Variants in GPR161 observed in about 807,000 individuals in gnomAD.
The protein encoded by GPR161 is G protein-coupled receptor 161, also known as G-protein coupled receptor RE2.
A neutral mutation model predicts 39.2 loss-of-function variants in GPR161; 25 were observed. The ratio of observed to expected loss-of-function variants is 0.64; its 90% CI spans 0.47 to 0.89. The LOEUF is 0.89. Among genes scored for constraint, GPR161 ranks in the 40% least tolerant of loss-of-function variants. The pLI is 0.00. For missense variants in GPR161, 547 were observed against 677.8 expected (o/e 0.81, Z 2.14); for synonymous variants, 286 against 276.6 (o/e 1.03, Z -0.34).
chr1:168,121,977 A>G (rs76584762), intron 1 of GPR161, among the ~76,000 whole-genome samples: 266 of 152,324 alleles, frequency 1.7e-3, no homozygotes, highest in African/African-American at 6.1e-3. Flanking sequence ...CTGCTGCCAG[A>G]AGTGGCTGTG....
At chr1:168,135,039 G>A in intron 1 of GPR161, 1 of 1,516,462 alleles carries the variant, frequency 6.6e-7, no homozygotes, top group Non-Finnish European at 8.8e-7. Context: ...GCACCAGGCT[G>A]CAACACAAAG....
chr1:168,096,848 C>T lies in GPR161; in HGVS notation c.759G>A (p.Arg253=). The part of the protein sequence containing the change: ...STSTSSSGSR[R]NAFQGVVYSA... ...AGTAGACCACACCCTGAAAGGCATT[C>T]CTCCTGCTGCCTGAAGAGGAGGTGG... The change falls in exon 3 of 6, where the codon AGG becomes AGA. Residue 253 remains arginine, a synonymous_variant. Transcript: ENST00000682931. The T allele has an allele frequency of 6.2e-7, 1 of 1,614,162 alleles. No individual in the cohort carries two copies. Among genetic ancestry groups the T allele is most frequent in the Non-Finnish European group, 8.5e-7 (1 of 1,180,020 alleles).
At chr1:168,119,612 T>C (rs577789233) in intron 1 of GPR161, among the ~76,000 whole-genome samples, 4 of 152,232 alleles carry the variant, frequency 2.6e-5, no homozygotes, top group African/African-American at 9.6e-5. Context: ...ATGTACTTAA[T>C]ACCACTCAAC....
chr1:168,109,306 A>C (rs566059510), intron 1 of GPR161, among the ~76,000 whole-genome samples: 6 of 152,212 alleles, frequency 3.9e-5, no homozygotes, highest in Non-Finnish European at 8.8e-5. Context: ...TTTTTTAAAA[A>C]AAGTCAAACT....
At chr1:168,091,099 TG>T (rs1695016647) in intron 3 of GPR161, among the ~76,000 whole-genome samples, 1 of 152,194 alleles carries the variant, frequency 6.6e-6, no homozygotes. Context: ...AGAGAATTTT[TG>T]TAAGCTGGAA....
Position 168,104,675 on chromosome 1 carries a change from A to G in GPR161, c.176T>C (p.Leu59Pro). 2 of 1,613,816 alleles carry G rather than the reference A, an allele frequency of 1.2e-6. No individual in the cohort carries two copies. The highest frequency in any genetic ancestry group is 1.7e-6 in the Non-Finnish European group (2 of 1,179,692). ...VVTLYKKSYL[L>P]TLSNKFVFSL... is the part of the protein sequence containing the mutation. Reference sequence around the variant, plus strand: ...GAAGACGAACTTGTTGCTGAGGGTGAGGAGGTAGGACTTCTTGTACAAGGT... The same window carrying G: ...GAAGACGAACTTGTTGCTGAGGGTGGGGAGGTAGGACTTCTTGTACAAGGT... The change falls in exon 2 of 6, where the codon CTC (leucine) becomes CCC (proline). Residue 59 changes from leucine (L) to proline (P), a missense_variant. Physicochemically the swap from Leu to Pro is moderately conservative, Grantham distance 98. Coordinates refer to ENST00000682931, the MANE Select transcript of GPR161 (RefSeq NM_001375883.1).
intron 1 of GPR161, among the ~76,000 whole-genome samples, chr1:168,130,672 T>C (rs1004755202): frequency 6.6e-6 from 1 of 152,182 alleles, no homozygotes; most frequent in African/African-American, 2.4e-5. Context: ...ACTTAAACAC[T>C]GATGACTCCA....
In GPR161 at chr1:168,110,533, GAAAGGAAAGA is replaced by G. The variant is rs1311347831; in HGVS notation, c.-44-5649_-44-5640del. On this transcript the variant is annotated intron_variant, in intron 1 of 5. Coordinates refer to ENST00000682931, the MANE Select transcript of GPR161 (RefSeq NM_001375883.1). ...AGAAAAAAAAAAAAACGAAAGAAAG[GAAAGGAAAGA>G]AAAGAAAAGAAAAGAAAAGAAAAGA... Among the ~76,000 whole-genome samples the G allele has an allele frequency of 8.3e-3, 505 of 61,152 alleles. 20 individuals are homozygous for G. The highest frequency in any genetic ancestry group is 0.034 in the African/African-American group (444 of 13,020). 40.1% of individuals were successfully genotyped at this position (61,152 alleles called of 152,430 possible). A position where few individuals can be genotyped will look rare whatever the true frequency, so the allele number is the denominator to read the frequency against.
At chr1:168,110,447 C>T (rs1167573427) in intron 1 of GPR161, among the ~76,000 whole-genome samples, 2 of 143,146 alleles carry the variant, frequency 1.4e-5, no homozygotes, top group African/African-American at 5.2e-5. Flanking sequence ...TGCAGTGAGC[C>T]GTGATCACAC....
intron 2 of GPR161, among the ~76,000 whole-genome samples, chr1:168,100,279 G>T (rs928185554): frequency 1.3e-5 from 2 of 148,768 alleles, no homozygotes; most frequent in African/African-American, 4.9e-5. Flanking sequence ...ATGGGTATAT[G>T]TGTTCTCAAT....
chr1:168,109,911 A>G (rs1321950651), intron 1 of GPR161, among the ~76,000 whole-genome samples: 1 of 152,172 alleles, frequency 6.6e-6, no homozygotes, highest in Non-Finnish European at 1.5e-5. Context: ...GGTTGCAATG[A>G]GCCGAGATCG....
intron 1 of GPR161, among the ~76,000 whole-genome samples, chr1:168,105,619 G>A (rs1476059036): frequency 2.0e-5 from 3 of 152,182 alleles, no homozygotes; most frequent in Non-Finnish European, 4.4e-5. Flanking sequence ...CGGCGAGGGA[G>A]GGCAAGCACT....
intron 4 of GPR161, chr1:168,088,595 T>C (rs1694767902): frequency 1.3e-5 from 2 of 152,256 alleles, no homozygotes; most frequent in African/African-American, 4.8e-5. Flanking sequence ...TGCCTCAGTA[T>C]CTTTCCACGT....
intron 5 of GPR161, among the ~76,000 whole-genome samples, chr1:168,087,328 C>T (rs909355356): frequency 1.4e-5 from 2 of 146,512 alleles, no homozygotes; most frequent in African/African-American, 5.5e-5. Context: ...TGTGTAAACA[C>T]GTGTGGGTGT....
rs534512989 is a variant in GPR161, at chr1:168,115,937, G to A, written c.-44-11043C>T. Among the ~76,000 whole-genome samples the A allele has an allele frequency of 5.9e-4, 89 of 151,906 alleles. 5 individuals are homozygous for A. Among genetic ancestry groups the A allele is most frequent in the African/African-American group, 9.7e-5 (4 of 41,352 alleles). ...ACTACAGGCGCCCGCCACCACGCCC[G>A]GCTAATTTTTTTTGTATTTTTAGTA... is the stretch of plus-strand genomic sequence containing the variant. On this transcript the variant is annotated intron_variant, in intron 1 of 5. Coordinates refer to ENST00000682931, the MANE Select transcript of GPR161 (RefSeq NM_001375883.1).
At chr1:168,134,579 G>A (rs1047445069) in intron 1 of GPR161, among the ~76,000 whole-genome samples, 1 of 152,142 alleles carries the variant, frequency 6.6e-6, no homozygotes, top group East Asian at 1.9e-4. Flanking sequence ...ATGACAGTCA[G>A]TGCTTCCCAA....
chr1:168,119,603 T>A (rs562797629), intron 1 of GPR161, among the ~76,000 whole-genome samples: 1 of 152,192 alleles, frequency 6.6e-6, no homozygotes, highest in South Asian at 2.1e-4. Flanking sequence ...ACAATATGAA[T>A]GTACTTAATA....
rs1696541830 is a variant in GPR161, at chr1:168,105,697, G to A, written c.-44-803C>T. Reference sequence around the variant, plus strand: ...CCACAGACATCACTGTCTATAAGGTGCAGTCCCTGCCCTCAGGAAACTGGC... The same window carrying A: ...CCACAGACATCACTGTCTATAAGGTACAGTCCCTGCCCTCAGGAAACTGGC... On this transcript the variant is annotated intron_variant, in intron 1 of 5. Transcript: ENST00000682931. Among the ~76,000 whole-genome samples the A allele has an allele frequency of 5.9e-5, 9 of 152,218 alleles. 1 individual carries two copies. In the South Asian group the frequency reaches 1.7e-3, roughly 28 times the overall value.
At chr1:168,095,240 A>G (rs527241804) in intron 3 of GPR161, among the ~76,000 whole-genome samples, 1 of 152,386 alleles carries the variant, frequency 6.6e-6, no homozygotes, top group Admixed American at 6.5e-5. Context: ...AAGGATTGTC[A>G]AAGATTGACT....
Sources: gnomAD v4.1 joint callset for allele counts (sites outside exome capture counted in the v4.1 genomes callset) on GRCh38, gnomAD v4.1.1 for gene constraint, MANE v1.5 for transcripts, NCBI Gene and HGNC (gene_info 2026-07-23, HGNC 2026-07-21) for gene names.